The following MRPS28 variants were observed in gnomAD, a reference collection of about 807,000 sequenced individuals.
MRPS28 encodes small ribosomal subunit protein bS1m.
A neutral mutation model predicts 10.8 loss-of-function variants in MRPS28; 7 were observed. The observed-to-expected ratio is 0.65, with a 90% CI of 0.37 to 1.22. MRPS28 has a LOEUF of 1.22. MRPS28 is among the 50% of genes most tolerant of loss of function. The pLI is 0.02. For synonymous variants in MRPS28, 121 were observed against 93.3 expected, an observed-to-expected ratio of 1.30 and a Z score of -1.71; for missense variants, 265 against 232.9, an observed-to-expected ratio of 1.14 and a Z score of -0.90.
chr8:79,925,959 C>T (rs1370482560), intron 2 of MRPS28, among the ~76,000 whole-genome samples: 1 of 149,036 alleles, frequency 6.7e-6, no homozygotes, highest in Non-Finnish European at 1.5e-5. Flanking sequence ...TACACTCAGG[C>T]CTGGGTGACA....
intron 2 of MRPS28, among the ~76,000 whole-genome samples, chr8:79,977,504 AAATT>A (rs1431345078): frequency 1.3e-5 from 2 of 152,184 alleles, no homozygotes; most frequent in African/African-American, 4.8e-5. Context: ...TTTGATCAAT[AAATT>A]ATTTTTATAA....
chr8:80,015,265 A>G lies in MRPS28; in HGVS notation c.214-12085T>C, dbSNP rs368473800. Among the ~76,000 whole-genome samples, 35 of 152,370 alleles carry G rather than the reference A, an allele frequency of 2.3e-4. No homozygotes were observed. The South Asian group carries it at 6.2e-3, about 27-fold the overall frequency. ...ACATCAGAGCACTCTCTCTTATTCA[A>G]CAATTCATTTATCAAACAGGTGTTG... On this transcript the variant is annotated intron_variant, in intron 1 of 2. Transcript: ENST00000276585.
chr8:79,971,963 G>A (rs761816144), intron 2 of MRPS28, among the ~76,000 whole-genome samples: 5 of 152,060 alleles, frequency 3.3e-5, no homozygotes, highest in Admixed American at 6.5e-5. Flanking sequence ...GCCTCCCAAA[G>A]TGCTGGGATT....
intron 2 of MRPS28, among the ~76,000 whole-genome samples, chr8:79,972,662 T>C (rs1340329690): frequency 2.0e-5 from 3 of 152,226 alleles, no homozygotes; most frequent in African/African-American, 7.2e-5. Context: ...CCTTAGTTTC[T>C]GTTAACAGGT....
intron 2 of MRPS28, among the ~76,000 whole-genome samples, chr8:79,920,635 G>C (rs891797301): frequency 5.3e-4 from 80 of 151,994 alleles, no homozygotes; most frequent in Non-Finnish European, 8.4e-4. Flanking sequence ...TTTTTGATGG[G>C]GTTGTTTTTT....
chr8:79,949,201 G>A (rs1236155959), intron 2 of MRPS28, among the ~76,000 whole-genome samples: 1 of 152,022 alleles, frequency 6.6e-6, no homozygotes, highest in African/African-American at 2.4e-5. Context: ...GGATCACAAG[G>A]TCAGGAGCTC....
At chr8:79,928,692 C>T (rs922262656) in intron 2 of MRPS28, among the ~76,000 whole-genome samples, 3 of 151,482 alleles carry the variant, frequency 2.0e-5, no homozygotes, top group Admixed American at 6.6e-5. Flanking sequence ...CCATCTGCCT[C>T]GGCCTCCCAA....
intron 2 of MRPS28, among the ~76,000 whole-genome samples, chr8:79,986,312 A>G (rs961954855): frequency 2.0e-5 from 3 of 152,236 alleles, no homozygotes; most frequent in Non-Finnish European, 2.9e-5. Context: ...ACCCACAGTC[A>G]ATATCATACT....
At chr8:80,029,794 C>T (rs1482822018) in intron 1 of MRPS28, 2 of 1,519,146 alleles carry the variant, frequency 1.3e-6, no homozygotes, top group African/African-American at 1.4e-5. Context: ...GGAAAACAAG[C>T]GCAGTGTGGA....
intron 2 of MRPS28, among the ~76,000 whole-genome samples, chr8:79,951,334 C>T (rs1807074997): frequency 6.6e-6 from 1 of 152,106 alleles, no homozygotes; most frequent in Admixed American, 6.6e-5. Flanking sequence ...GAGAAGATGG[C>T]CATTCTATCC....
intron 1 of MRPS28, among the ~76,000 whole-genome samples, chr8:80,026,579 C>T (rs11996969): frequency 1.3e-5 from 2 of 152,156 alleles, no homozygotes; most frequent in Non-Finnish European, 2.9e-5. Flanking sequence ...AAGGACTGTG[C>T]TAGGCACTGG....
intron 1 of MRPS28, among the ~76,000 whole-genome samples, chr8:80,013,317 C>T (rs1030929884): frequency 6.6e-6 from 1 of 152,020 alleles, no homozygotes; most frequent in African/African-American, 2.4e-5. Context: ...AGACAACATC[C>T]TACCCAGTTA....
chr8:79,954,249 T>TA (rs1305118505), intron 2 of MRPS28, among the ~76,000 whole-genome samples: 1 of 151,946 alleles, frequency 6.6e-6, no homozygotes, highest in Non-Finnish European at 1.5e-5. Context: ...AATTAAACCA[T>TA]AAAAAATATA....
chr8:80,025,978 A>T (rs1809485199), intron 1 of MRPS28, among the ~76,000 whole-genome samples: 1 of 152,220 alleles, frequency 6.6e-6, no homozygotes, highest in Non-Finnish European at 1.5e-5. Context: ...CTCTGCAGCT[A>T]TGCATAAAAA....
intron 2 of MRPS28, among the ~76,000 whole-genome samples, chr8:79,922,877 C>T: frequency 6.6e-6 from 1 of 151,866 alleles, no homozygotes. Context: ...TTTATATAAA[C>T]AGAAAATGAA....
chr8:80,003,097 C>T lies in MRPS28; in HGVS notation c.297G>A (p.Leu99=). The T allele has an allele frequency of 6.2e-7, 1 of 1,613,562 alleles. No individual in the cohort carries two copies. The highest frequency in any genetic ancestry group is 8.5e-7 in the Non-Finnish European group (1 of 1,179,798). ...LTQMGPAKDK[L]VIGRIFHIVE... ...CAATATGAAAGATCCGTCCAATGACCAGTTTATCCTTTGCAGGTCCCATCT... is the reference window on the plus strand; with the variant it reads ...CAATATGAAAGATCCGTCCAATGACTAGTTTATCCTTTGCAGGTCCCATCT... The change falls in exon 2 of 3, where the codon CTG becomes CTA. Residue 99 remains leucine (L), a synonymous_variant. Transcript: ENST00000276585.
At chr8:79,942,840 T>A (rs1029973177) in intron 2 of MRPS28, among the ~76,000 whole-genome samples, 1 of 152,126 alleles carries the variant, frequency 6.6e-6, no homozygotes, top group Non-Finnish European at 1.5e-5. Flanking sequence ...AAAATACATG[T>A]TGTCTACAGA....
intron 2 of MRPS28, among the ~76,000 whole-genome samples, chr8:79,937,085 T>C (rs1335176905): frequency 6.6e-6 from 1 of 152,144 alleles, no homozygotes; most frequent in South Asian, 2.1e-4. Flanking sequence ...GGTCTCAAAC[T>C]CCTGACCTCA....
intron 2 of MRPS28, among the ~76,000 whole-genome samples, chr8:79,977,815 AAAT>A (rs147911236): frequency 0.018 from 2,641 of 150,474 alleles, 71 homozygotes; most frequent in African/African-American, 0.058. Context: ...AGACTGTCTC[AAAT>A]AATAATAATA....
Sources: allele counts gnomAD v4.1 joint callset (sites outside exome capture counted in the v4.1 genomes callset), GRCh38; gene constraint gnomAD v4.1.1; transcripts MANE v1.5; gene names NCBI Gene and HGNC (gene_info 2026-07-23, HGNC 2026-07-21).